Variants in AK5 observed in about 807,000 individuals in gnomAD.
The protein encoded by AK5 is adenylate kinase isoenzyme 5.
A neutral mutation model predicts 69.5 loss-of-function variants in AK5; 27 were observed. That is an observed-to-expected ratio of 0.39 (90% CI 0.29 to 0.54). The LOEUF is 0.54. Ranked by LOEUF, AK5 falls within the 20% of genes least tolerant of loss-of-function variation. The pLI is 0.71. For missense variants in AK5, 531 were observed against 700.4 expected (o/e 0.76, Z 2.73); for synonymous variants, 260 against 244.4 (o/e 1.06, Z -0.60).
chr1:77,456,294 TA>T (rs1376619856), intron 8 of AK5, among the ~76,000 whole-genome samples: 1 of 152,226 alleles, frequency 6.6e-6, no homozygotes, highest in Non-Finnish European at 1.5e-5. Context: ...TCCACCTGCT[TA>T]AGGACACTAG....
chr1:77,503,129 A>G (rs1032281438), intron 10 of AK5, among the ~76,000 whole-genome samples: 2 of 152,196 alleles, frequency 1.3e-5, no homozygotes, highest in African/African-American at 4.8e-5. Flanking sequence ...CTAGTACATA[A>G]TTAAAATCAC....
At chr1:77,317,184 G>C (rs985083241) in intron 5 of AK5, among the ~76,000 whole-genome samples, 1 of 152,110 alleles carries the variant, frequency 6.6e-6, no homozygotes, top group African/African-American at 2.4e-5. Context: ...TTGAGTGCTG[G>C]AACAGCTGAG....
At chr1:77,377,009 G>A (rs1052993221) in intron 6 of AK5, among the ~76,000 whole-genome samples, 1 of 152,188 alleles carries the variant, frequency 6.6e-6, no homozygotes, top group Non-Finnish European at 1.5e-5. Context: ...GCTGAAATAA[G>A]CAATTATATG....
chr1:77,438,381 G>A (rs971589243), intron 8 of AK5, among the ~76,000 whole-genome samples: 9 of 150,354 alleles, frequency 6.0e-5, no homozygotes, highest in African/African-American at 2.2e-4. Context: ...AAACATGCAT[G>A]AGGAAAAACC....
chr1:77,438,463 A>T (rs373460700), intron 8 of AK5, among the ~76,000 whole-genome samples: 39 of 152,218 alleles, frequency 2.6e-4, no homozygotes, highest in African/African-American at 9.1e-4. Context: ...TTTCTTATTA[A>T]TCTCTTGAGA....
intron 10 of AK5, among the ~76,000 whole-genome samples, chr1:77,497,457 G>A (rs946313418): frequency 6.6e-6 from 1 of 152,220 alleles, no homozygotes; most frequent in Non-Finnish European, 1.5e-5. Context: ...GTCACCACGA[G>A]GGTCCGTGGC....
At chr1:77,420,758 C>A (rs1650755777) in intron 8 of AK5, among the ~76,000 whole-genome samples, 1 of 151,438 alleles carries the variant, frequency 6.6e-6, no homozygotes, top group Non-Finnish European at 1.5e-5. Flanking sequence ...AATCTTTTGC[C>A]AATTCCAGTT....
chr1:77,514,430 T>C (rs987084064), intron 10 of AK5, among the ~76,000 whole-genome samples: 1 of 152,246 alleles, frequency 6.6e-6, no homozygotes, highest in Admixed American at 6.5e-5. Flanking sequence ...CATTGTTTTT[T>C]TATTTAAAAG....
At chr1:77,387,516 T>C (rs774458068) in intron 6 of AK5, among the ~76,000 whole-genome samples, 4 of 152,204 alleles carry the variant, frequency 2.6e-5, no homozygotes, top group Non-Finnish European at 5.9e-5. Flanking sequence ...ACTCAAGGTT[T>C]TAGCTTACAT....
At chr1:77,284,302 G>A (rs1420195392) in intron 1 of AK5, among the ~76,000 whole-genome samples, 5 of 152,136 alleles carry the variant, frequency 3.3e-5, no homozygotes, top group Non-Finnish European at 1.5e-5. Context: ...AAAAACTTTA[G>A]GTTTTTAAAA....
chr1:77,440,899 C>T (rs1652284705), intron 8 of AK5, among the ~76,000 whole-genome samples: 1 of 152,042 alleles, frequency 6.6e-6, no homozygotes, highest in Non-Finnish European at 1.5e-5. Flanking sequence ...TTACAGGAGC[C>T]CACCATGCCC....
Position 77,282,257 on chromosome 1 carries a change from G to A in AK5, c.-57G>A. 4 of 1,509,228 alleles carry A rather than the reference G, an allele frequency of 2.7e-6. No homozygotes were observed. Among genetic ancestry groups the A allele is most frequent in the Non-Finnish European group, 2.7e-6 (3 of 1,120,288 alleles). The allele number at this position is 1,509,228 out of a possible 1,614,324, so 93.5% of individuals were successfully genotyped here. Reference sequence around the variant, plus strand: ...CAGCCCCAGCTTCAGCCCCGGCTCAGGTCGCCGCAGCCCGGGAGCCTCCCC... The same window carrying A: ...CAGCCCCAGCTTCAGCCCCGGCTCAAGTCGCCGCAGCCCGGGAGCCTCCCC... On this transcript the variant is annotated 5_prime_UTR_variant, in exon 1 of 14. Coordinates refer to ENST00000354567, the MANE Select transcript of AK5 (RefSeq NM_174858.3).
At chr1:77,558,509 A>C in intron 13 of AK5, 93 bp from the exon 14 acceptor site, 2 of 800,678 alleles carry the variant, frequency 2.5e-6, no homozygotes, top group Non-Finnish European at 4.1e-6. Context: ...AATTTTGCAG[A>C]GCAAATTATG....
chr1:77,494,509 T>A (rs568125575), intron 10 of AK5, among the ~76,000 whole-genome samples: 36 of 152,286 alleles, frequency 2.4e-4, no homozygotes, highest in African/African-American at 8.4e-4. Context: ...GCCAACCCCT[T>A]ATCTCCTCTG....
intron 8 of AK5, among the ~76,000 whole-genome samples, chr1:77,419,108 A>G (rs1293265984): frequency 6.6e-6 from 1 of 152,160 alleles, no homozygotes; most frequent in African/African-American, 2.4e-5. Flanking sequence ...TAGTTTCACA[A>G]TAAGGATGTG....
chr1:77,405,716 T>C (rs1649578181), intron 6 of AK5, among the ~76,000 whole-genome samples: 1 of 152,134 alleles, frequency 6.6e-6, no homozygotes, highest in Non-Finnish European at 1.5e-5. Context: ...TAGGAAAACT[T>C]GGAGCAGTGA....
intron 10 of AK5, among the ~76,000 whole-genome samples, chr1:77,495,306 G>A (rs1656245413): frequency 6.6e-6 from 1 of 152,180 alleles, no homozygotes; most frequent in African/African-American, 2.4e-5. Context: ...CCAAAATGTA[G>A]GTGAAGTTGT....
At chr1:77,475,167 G>GTATATATATATATATATA (rs35137146) in intron 8 of AK5, among the ~76,000 whole-genome samples, 1 of 89,910 alleles carries the variant, frequency 1.1e-5, no homozygotes, top group East Asian at 2.6e-4. Flanking sequence ...GTGTGTGCAT[G>GTATATATATATATATATA]TATATATATA....
chr1:77,539,548 G>A (rs1570335937), intron 13 of AK5, among the ~76,000 whole-genome samples: 1 of 152,246 alleles, frequency 6.6e-6, no homozygotes, highest in Middle Eastern at 3.4e-3. Flanking sequence ...CATAGAAACA[G>A]TGTGTGCTGG....
Sources: allele counts gnomAD v4.1 joint callset (sites outside exome capture counted in the v4.1 genomes callset), GRCh38; gene constraint gnomAD v4.1.1; transcripts MANE v1.5; gene names NCBI Gene and HGNC (gene_info 2026-07-23, HGNC 2026-07-21).